Variants in HECW1 observed in about 807,000 individuals in gnomAD.
The protein encoded by HECW1 is HECT, C2 and WW domain containing E3 ubiquitin protein ligase 1, also known as E3 ubiquitin-protein ligase HECW1.
HECW1 carries 61 observed loss-of-function variants against 182.3 expected under a neutral mutation model. The observed-to-expected ratio is 0.33, with a 90% confidence interval of 0.27 to 0.41. The LOEUF (loss-of-function observed/expected upper bound fraction) is 0.41, where lower values mean the gene tolerates loss of function less well. HECW1 is among the 10% of genes least tolerant of loss of function. The pLI, the probability that HECW1 is intolerant of heterozygous loss-of-function variation, is 1.00. For missense variants in HECW1, 1,739 were observed against 2,108.9 expected, an observed-to-expected ratio of 0.82 and a Z score of 3.44; for synonymous variants, 859 against 832.6, an observed-to-expected ratio of 1.03 and a Z score of -0.55.
In HECW1 at chr7:43,160,255, A is replaced by G. The variant is rs79600800; in HGVS notation, c.-32+45864A>G. Among the ~76,000 whole-genome samples, 498 of 152,202 alleles carry G rather than the reference A, an allele frequency of 3.3e-3. 2 individuals are homozygous for G. The highest frequency in any genetic ancestry group is 0.011 in the African/African-American group (465 of 41,516). On this transcript the variant is annotated intron_variant, in intron 2 of 29. Transcript: ENST00000395891. ...GAATTGCCTTTTATACATATTTTCAATATTTCCCCCCAATTTGTTGTTTGC... is the reference window on the plus strand; with the variant it reads ...GAATTGCCTTTTATACATATTTTCAGTATTTCCCCCCAATTTGTTGTTTGC...
intron 2 of HECW1, among the ~76,000 whole-genome samples, chr7:43,132,762 C>T (rs1385178304): frequency 6.6e-6 from 1 of 152,132 alleles, no homozygotes; most frequent in African/African-American, 2.4e-5. Context: ...CTTCCTTCCA[C>T]TCTCCTGGTC....
intron 24 of HECW1, among the ~76,000 whole-genome samples, chr7:43,521,133 T>C (rs572433185): frequency 6.6e-6 from 1 of 152,226 alleles, no homozygotes; most frequent in African/African-American, 2.4e-5. Flanking sequence ...GTTTGACGGA[T>C]GCGTCTCTCA....
chr7:43,534,446 A>G (rs1373733460), intron 24 of HECW1, among the ~76,000 whole-genome samples: 2 of 152,206 alleles, frequency 1.3e-5, no homozygotes, highest in Non-Finnish European at 2.9e-5. Flanking sequence ...AGGAAGGGAG[A>G]GGGAGACCTG....
intron 2 of HECW1, among the ~76,000 whole-genome samples, chr7:43,235,896 A>C (rs750658289): frequency 4.6e-5 from 7 of 152,136 alleles, no homozygotes; most frequent in Admixed American, 2.0e-4. Context: ...TTATTTCAAA[A>C]ATTAATGAAG....
intron 2 of HECW1, among the ~76,000 whole-genome samples, chr7:43,127,523 CAAAAAAA>C (rs71562078): frequency 2.1e-4 from 12 of 57,280 alleles, no homozygotes; most frequent in African/African-American, 5.5e-4. Flanking sequence ...AACTCCATCT[CAAAAAAA>C]AAAAAAAAAA....
intron 2 of HECW1, among the ~76,000 whole-genome samples, chr7:43,122,200 G>A (rs757016544): frequency 2.0e-5 from 3 of 152,202 alleles, no homozygotes; most frequent in Non-Finnish European, 4.4e-5. Context: ...GCCGAGGACT[G>A]CAGAGCTTTC....
chr7:43,375,341 A>G (rs1484205047), intron 6 of HECW1, among the ~76,000 whole-genome samples: 1 of 152,084 alleles, frequency 6.6e-6, no homozygotes, highest in Non-Finnish European at 1.5e-5. Context: ...GTGATATGTG[A>G]CTATGCCAAA....
At position 43,541,924 on chromosome 7, in the gene HECW1, C is replaced by A; in HGVS notation, c.4174C>A (p.Gln1392Lys). ...YLDEEFHQSLQWMKDNNITDI... is the reference protein window; with the variant it reads ...YLDEEFHQSLKWMKDNNITDI... ...GGATGAGGAATTCCACCAGAGTTTG[C>A]AGTGGATGAAGGACAACAACATCAC... The change falls in exon 26 of 30, where the codon CAG becomes AAG. Residue 1392 changes from glutamine (Q) to lysine (K), a missense_variant. Gln to Lys is a moderately conservative substitution (Grantham distance 53). Transcript: ENST00000395891. 1 of 1,559,694 alleles carries A rather than the reference C, an allele frequency of 6.4e-7. No homozygotes were observed. Among genetic ancestry groups the A allele is most frequent in the Admixed American group, 1.9e-5 (1 of 53,502 alleles).
intron 24 of HECW1, chr7:43,522,928 T>C (rs985307836): frequency 1.1e-5 from 4 of 348,654 alleles, no homozygotes; most frequent in African/African-American, 6.6e-5. Flanking sequence ...AGCTCCGTGG[T>C]GGGGATGTTA....
chr7:43,308,818 C>T lies in HECW1; in HGVS notation c.28-2945C>T, dbSNP rs192235722. 7.5e-3 allele frequency among the ~76,000 whole-genome samples: 1,139 copies of T among 152,188 alleles called. 18 individuals carry two copies. Among genetic ancestry groups the T allele is most frequent in the African/African-American group, 0.026 (1,071 of 41,524 alleles). ...TGTACTTTTAGTAGAGACGGGGCTT[C>T]GCCACGTTGGCCAGGCTGGTCTTGA... On this transcript the variant is annotated intron_variant, in intron 3 of 29. Transcript: ENST00000395891.
At chr7:43,542,104 C>T in intron 26 of HECW1, 106 bp downstream of exon 26, 1 of 976,682 alleles carries the variant, frequency 1.0e-6, no homozygotes, top group Non-Finnish European at 1.4e-6. Context: ...GACTTCAGTG[C>T]TTCAGTATAT....
intron 2 of HECW1, among the ~76,000 whole-genome samples, chr7:43,196,945 G>A (rs1794515300): frequency 6.6e-6 from 1 of 152,060 alleles, no homozygotes; most frequent in African/African-American, 2.4e-5. Context: ...ATGGTAGTGT[G>A]TGCATCATAT....
intron 3 of HECW1, among the ~76,000 whole-genome samples, chr7:43,259,246 G>A (rs756929825): frequency 6.6e-6 from 1 of 152,142 alleles, no homozygotes; most frequent in Admixed American, 6.5e-5. Context: ...CATTAGCCAG[G>A]TGTGGTGGTG....
chr7:43,233,184 C>T (rs1293149286), intron 2 of HECW1, among the ~76,000 whole-genome samples: 1 of 152,086 alleles, frequency 6.6e-6, no homozygotes, highest in Non-Finnish European at 1.5e-5. Flanking sequence ...CATATATATT[C>T]AATGTAGAAA....
chr7:43,128,439 C>T (rs1176259521), intron 2 of HECW1, among the ~76,000 whole-genome samples: 1 of 152,184 alleles, frequency 6.6e-6, no homozygotes, highest in South Asian at 2.1e-4. Flanking sequence ...GCTTGAATGG[C>T]AGCACATCTG....
intron 3 of HECW1, among the ~76,000 whole-genome samples, 154 bp downstream of exon 3, chr7:43,244,086 C>T (rs1799138310): frequency 6.6e-6 from 1 of 152,166 alleles, no homozygotes; most frequent in Admixed American, 6.5e-5. Context: ...ATCCATCACC[C>T]TCCCTCCCCA....
intron 12 of HECW1, among the ~76,000 whole-genome samples, chr7:43,453,227 G>T (rs535880736): frequency 1.3e-5 from 2 of 152,304 alleles, no homozygotes; most frequent in East Asian, 3.9e-4. Context: ...ATGTCTTTAT[G>T]CAGGAACCCA....
At chr7:43,347,437 G>A (rs1299100028) in intron 5 of HECW1, among the ~76,000 whole-genome samples, 2 of 151,964 alleles carry the variant, frequency 1.3e-5, no homozygotes, top group African/African-American at 4.8e-5. Flanking sequence ...AGTCCTTAGG[G>A]TTTTCAAGGT....
intron 16 of HECW1, among the ~76,000 whole-genome samples, chr7:43,470,767 A>G (rs1171991355): frequency 6.6e-6 from 1 of 152,082 alleles, no homozygotes; most frequent in Non-Finnish European, 1.5e-5. Flanking sequence ...AAATGGTCTC[A>G]GCAATTTCTT....
Sources: allele counts gnomAD v4.1 joint callset (sites outside exome capture counted in the v4.1 genomes callset), GRCh38; gene constraint gnomAD v4.1.1; transcripts MANE v1.5; gene names NCBI Gene and HGNC (gene_info 2026-07-23, HGNC 2026-07-21).